SH2D4A: variants seen among roughly 807,000 people sequenced by gnomAD.
SH2D4A encodes SH2 domain containing 4A.
In SH2D4A, 70 loss-of-function variants were observed where a neutral mutation model predicts 64.7. The observed-to-expected ratio is 1.08, with a 90% CI of 0.89 to 1.32. The LOEUF (loss-of-function observed/expected upper bound fraction) is 1.32. Ranked by LOEUF, SH2D4A falls within the 40% of genes most tolerant of loss-of-function variation. The pLI is 0.00. For missense variants in SH2D4A, 706 were observed against 540.1 expected, an observed-to-expected ratio of 1.31 and a Z score of -3.04; for synonymous variants, 268 against 200.7, an observed-to-expected ratio of 1.34 and a Z score of -2.83.
Position 19,334,990 on chromosome 8 carries a change from T to C in SH2D4A, c.513+133T>C, listed in dbSNP as rs1195885982. On this transcript the variant is annotated intron_variant, in intron 4 of 9. Transcript: ENST00000265807. ...TCTTGGGAGAAATGCCTCCTAACTT[T>C]AAGATCCTCCAGGGCAGGCACGGTG... 5.5e-6 allele frequency: 6 copies of C among 1,097,894 alleles called. No individual in the cohort carries two copies. In the East Asian group the frequency reaches 1.3e-4, roughly 25 times the overall value. 68.0% of individuals were successfully genotyped at this position (1,097,894 alleles called of 1,614,324 possible).
chr8:19,388,818 A>G (rs1181609314), intron 8 of SH2D4A, among the ~76,000 whole-genome samples: 1 of 152,212 alleles, frequency 6.6e-6, no homozygotes, highest in Non-Finnish European at 1.5e-5. Flanking sequence ...TTTTTCGGTC[A>G]TCTTCTAAGT....
At chr8:19,340,367 G>A (rs1303630707) in intron 4 of SH2D4A, among the ~76,000 whole-genome samples, 5 of 152,146 alleles carry the variant, frequency 3.3e-5, no homozygotes, top group Admixed American at 3.3e-4. Context: ...TTTTGAAAAG[G>A]AGGGATCATT....
chr8:19,342,084 T>C (rs1563192529), intron 4 of SH2D4A, among the ~76,000 whole-genome samples: 1 of 152,204 alleles, frequency 6.6e-6, no homozygotes, highest in Non-Finnish European at 1.5e-5. Context: ...TTACCCTTTT[T>C]ATTTGTACTG....
chr8:19,368,086 T>C (rs1278562755), intron 7 of SH2D4A, among the ~76,000 whole-genome samples: 1 of 152,190 alleles, frequency 6.6e-6, no homozygotes, highest in Non-Finnish European at 1.5e-5. Flanking sequence ...CACTATCTAG[T>C]TTTCTCAGTA....
chr8:19,374,182 T>C (rs1270246308), intron 8 of SH2D4A, among the ~76,000 whole-genome samples: 1 of 152,250 alleles, frequency 6.6e-6, no homozygotes, highest in Non-Finnish European at 1.5e-5. Context: ...GATTCCTTGC[T>C]TCCAGTATGT....
chr8:19,359,540 T>C (rs574580294), intron 5 of SH2D4A, among the ~76,000 whole-genome samples: 1 of 152,190 alleles, frequency 6.6e-6, no homozygotes, highest in Non-Finnish European at 1.5e-5. Flanking sequence ...AGCTTAGAAA[T>C]TGCTAGCAGC....
At chr8:19,334,197 T>C (rs940898098) in intron 3 of SH2D4A, among the ~76,000 whole-genome samples, 4 of 152,136 alleles carry the variant, frequency 2.6e-5, no homozygotes, top group African/African-American at 9.7e-5. Flanking sequence ...CACCGTTCAG[T>C]TCCCAAGGGC....
At chr8:19,354,477 T>C (rs2052758085) in intron 4 of SH2D4A, among the ~76,000 whole-genome samples, 1 of 152,226 alleles carries the variant, frequency 6.6e-6, no homozygotes, top group African/African-American at 2.4e-5. Context: ...ATCACTTCCA[T>C]GCACACTGTC....
In SH2D4A at chr8:19,394,649, C is replaced by T. The variant is rs765065944; in HGVS notation, c.*7C>T. Reference sequence around the variant, plus strand: ...CCTGGAGCTGTTTGAGTGACAGCCTCCATCAGGGTCATCCTACAGCCTCCA... The same window carrying T: ...CCTGGAGCTGTTTGAGTGACAGCCTTCATCAGGGTCATCCTACAGCCTCCA... On this transcript the variant is annotated 3_prime_UTR_variant, in exon 10 of 10. Coordinates refer to ENST00000265807, the MANE Select transcript of SH2D4A (RefSeq NM_022071.4). The T allele has an allele frequency of 6.3e-7, 1 of 1,599,138 alleles. No homozygotes were observed. The highest frequency in any genetic ancestry group is 2.2e-5 in the East Asian group (1 of 44,446).
In SH2D4A at chr8:19,373,455, T is replaced by TATATATATATATATATATACACACACCC. The variant is rs1554485279; in HGVS notation, c.918-65_918-64insATATATATACACACACCCATATATATAT. 53 of 962,402 alleles carry TATATATATATATATATATACACACACCC rather than the reference T, an allele frequency of 5.5e-5. No homozygotes were observed. In the African/African-American group the frequency reaches 9.0e-4, roughly 16 times the overall value. The allele number at this position is 962,402 out of a possible 1,614,324, so 59.6% of individuals were successfully genotyped here. ...ATGTATGTGTGTGTGTATATATATA[T>TATATATATATATATATATACACACACCC]ATATATATATGACTTTTGAGGGCAT... On this transcript the variant is annotated intron_variant, in intron 7 of 9. Transcript: ENST00000265807.
At position 19,364,250 on chromosome 8, in the gene SH2D4A, A is replaced by T. The variant is rs2052948498; in HGVS notation, c.885A>T (p.Leu295=). The change falls in exon 7 of 10, where the codon CTA becomes CTT. Residue 295 remains leucine (L), a synonymous_variant. Transcript: ENST00000265807. ...RPPLPPKPQF[L]NSGAYPQKPL... is the part of the protein sequence containing the mutation. ...CCCTTCCACCCAAGCCTCAGTTCCT[A>T]AACTCAGGGGCATATCCTCAAAAAC... 1.2e-6 allele frequency: 2 copies of T among 1,614,196 alleles called. No individual in the cohort carries two copies. The highest frequency in any genetic ancestry group is 1.7e-6 in the Non-Finnish European group (2 of 1,180,006).
At chr8:19,348,487 C>A (rs552935207) in intron 4 of SH2D4A, among the ~76,000 whole-genome samples, 2 of 152,276 alleles carry the variant, frequency 1.3e-5, no homozygotes, top group East Asian at 3.9e-4. Flanking sequence ...GAAACTTCCA[C>A]TTAAATTTTC....
At chr8:19,320,615 CTG>C (rs1458720625) in intron 2 of SH2D4A, among the ~76,000 whole-genome samples, 4 of 106,472 alleles carry the variant, frequency 3.8e-5, no homozygotes, top group Non-Finnish European at 6.9e-5. Context: ...CAGAGTGAGA[CTG>C]TGTGTCAAAA....
intron 2 of SH2D4A, 32 bp from the exon 3 acceptor site, chr8:19,332,923 T>C: frequency 6.2e-7 from 1 of 1,600,984 alleles, no homozygotes; most frequent in Non-Finnish European, 8.5e-7. Context: ...ATTTGTTCAA[T>C]CTGAATTTTT....
chr8:19,383,313 T>C (rs529633640), intron 8 of SH2D4A, among the ~76,000 whole-genome samples: 1 of 152,182 alleles, frequency 6.6e-6, no homozygotes, highest in African/African-American at 2.4e-5. Flanking sequence ...TTCTTTCTTC[T>C]CCCTGCTTAA....
chr8:19,340,123 C>T (rs547833913), intron 4 of SH2D4A, among the ~76,000 whole-genome samples: 82 of 152,232 alleles, frequency 5.4e-4, no homozygotes, highest in African/African-American at 1.9e-3. Flanking sequence ...GCTGGCAGTT[C>T]CAGCTGAGGA....
chr8:19,366,024 A>G (rs2052988229), intron 7 of SH2D4A, among the ~76,000 whole-genome samples: 1 of 152,188 alleles, frequency 6.6e-6, no homozygotes. Context: ...ACAACTATAT[A>G]TATATATATC....
At chr8:19,318,982 CTT>C (rs963405126) in intron 1 of SH2D4A, among the ~76,000 whole-genome samples, 3 of 148,826 alleles carry the variant, frequency 2.0e-5, no homozygotes, top group African/African-American at 7.4e-5. Context: ...CTTCCTGTGA[CTT>C]TTTTTTTTCT....
rs535151145 is a variant in SH2D4A at position 19,364,222 on chromosome 8, C to T, written c.857C>T (p.Pro286Leu). The change falls in exon 7 of 10, where the codon CCT (proline) becomes CTT (leucine). Residue 286 changes from proline (P) to leucine (L), a missense_variant. Physicochemically the swap from Pro to Leu is moderately conservative, Grantham distance 98 (BLOSUM62 -3). Transcript: ENST00000265807. Reference protein sequence around the residue: ...PLRVPQKPERPPLPPKPQFLN... With the variant: ...PLRVPQKPERLPLPPKPQFLN... ...CGTGTTCCGCAGAAACCAGAAAGAC[C>T]TCCCCTTCCACCCAAGCCTCAGTTC... is the stretch of plus-strand genomic sequence containing the variant. 5.6e-6 allele frequency: 9 copies of T among 1,614,202 alleles called. No individual in the cohort carries two copies. The highest frequency in any genetic ancestry group is 1.7e-5 in the Admixed American group (1 of 60,026).
Sources: gnomAD v4.1 joint callset for allele counts (sites outside exome capture counted in the v4.1 genomes callset) on GRCh38, gnomAD v4.1.1 for gene constraint, MANE v1.5 for transcripts, NCBI Gene and HGNC (gene_info 2026-07-23, HGNC 2026-07-21) for gene names.